The following KHSRP variants were observed in gnomAD, a reference collection of about 807,000 sequenced individuals.
KHSRP encodes the protein KH-type splicing regulatory protein, also known as far upstream element-binding protein 2.
A neutral mutation model predicts 94.9 loss-of-function variants in KHSRP; 13 were observed. The ratio of observed to expected loss-of-function variants is 0.14; its 90% CI spans 0.09 to 0.22. KHSRP has a LOEUF of 0.22. KHSRP is among the 10% of genes least tolerant of loss of function. The pLI, the probability that KHSRP is intolerant of heterozygous loss-of-function variation, is 1.00. For synonymous variants in KHSRP, 495 were observed against 401.4 expected, an observed-to-expected ratio of 1.23 and a Z score of -2.79; for missense variants, 710 against 1,010.0, an observed-to-expected ratio of 0.70 and a Z score of 4.03.
Position 6,418,501 on chromosome 19 carries a change from C to G in KHSRP, c.861G>C (p.Gly287=), listed in dbSNP as rs2092171318. ...TNVDKPLRII[G]DPYKVQQACE... is the part of the protein sequence containing the mutation. ...TGCTCACCTGCACTTTGTAAGGATC[C>G]CCAATGATGCGGAGAGGTTTGTCCA... The change falls in exon 9 of 19, where the codon GGG becomes GGC. Residue 287 remains glycine (G), a synonymous_variant. Transcript: ENST00000600480. The surrounding 1 kb of genome is among the most constrained non-coding windows in gnomAD (Gnocchi z 4.3). 6.2e-7 allele frequency: 1 copy of G among 1,613,612 alleles called. No homozygotes were observed. Among genetic ancestry groups the G allele is most frequent in the South Asian group, 1.1e-5 (1 of 91,062 alleles).
Position 6,420,553 on chromosome 19 carries a change from G to T in KHSRP, c.426-82C>A. The stretch of plus-strand genomic sequence containing the variant: ...CTCTGGAAGGTCTACTTGAAGCCAA[G>T]GCCACCATAGGTCTAAGCAGAGTCT... On this transcript the variant is annotated intron_variant, in intron 4 of 18. Transcript: ENST00000600480. 1.3e-5 allele frequency: 16 copies of T among 1,245,600 alleles called. No homozygotes were observed. The Admixed American group carries it at 2.3e-4, about 18-fold the overall frequency. The allele number at this position is 1,245,600 out of a possible 1,614,324, so 77.2% of individuals were successfully genotyped here. A position where few individuals can be genotyped will look rare whatever the true frequency, so the allele number is the denominator to read the frequency against.
At position 6,418,415 on chromosome 19, in the gene KHSRP, G is replaced by T; in HGVS notation, c.879+68C>A. On this transcript the variant is annotated intron_variant, in intron 9 of 18. Coordinates refer to ENST00000600480, the MANE Select transcript of KHSRP (RefSeq NM_001366299.1). The surrounding 1 kb of genome is among the most constrained non-coding windows in gnomAD (Gnocchi z 4.3). ...CTCTCTGGCGGAATGCAGACCCCGA[G>T]ACCGCTGGCCCTGCCCACCTGCCCG... The T allele has an allele frequency of 8.7e-7, 1 of 1,146,768 alleles. No homozygotes were observed. Among genetic ancestry groups the T allele is most frequent in the Non-Finnish European group, 1.3e-6 (1 of 769,210 alleles). 71.0% of individuals were successfully genotyped at this position (1,146,768 alleles called of 1,614,324 possible). A position where few individuals can be genotyped will look rare whatever the true frequency, so the allele number is the denominator to read the frequency against.
rs1050713901 is a variant in KHSRP at position 6,416,724 on chromosome 19, G to A, written c.1327+14C>T. The A allele has an allele frequency of 1.2e-6, 2 of 1,604,906 alleles. No individual in the cohort carries two copies. The highest frequency in any genetic ancestry group is 1.7e-6 in the Non-Finnish European group (2 of 1,174,278). ...AGAGGGGGCAAGGGATAGGGTGCAG[G>A]GGGCCACACTCACCTCGGCCGATGA... On this transcript the variant is annotated intron_variant, in intron 13 of 18. Transcript: ENST00000600480.
In KHSRP at chr19:6,415,876, T is replaced by G; in HGVS notation, c.1619A>C (p.His540Pro). 1 of 1,539,000 alleles carries G rather than the reference T, an allele frequency of 6.5e-7. No homozygotes were observed. The change falls in exon 16 of 19, where the codon CAC (histidine) becomes CCC (proline). Residue 540 changes from histidine (H) to proline (P), a missense_variant. Coordinates refer to ENST00000600480, the MANE Select transcript of KHSRP (RefSeq NM_001366299.1). The part of the protein sequence containing the change: ...APPHAGGPPP[H>P]QYPPQGWGNT... The stretch of plus-strand genomic sequence containing the variant: ...GCCCCAGCCCTGGGGTGGGTACTGG[T>G]GAGGAGGGGGCCCCCCGGCACTGCA...
In KHSRP at chr19:6,416,893, A is replaced by AGAG. The variant is rs537659776; in HGVS notation, c.1183-14_1183-12dup. 29 of 1,611,898 alleles carry AGAG rather than the reference A, an allele frequency of 1.8e-5. 1 individual carries two copies. The highest frequency in any genetic ancestry group is 1.3e-4 in the South Asian group (12 of 91,004). The stretch of plus-strand genomic sequence containing the variant: ...ACCTGGGGGACCACTCTGCAAGACA[A>AGAG]GAGGAGGAGGAGGATGATGAACCCT... On this transcript the variant is annotated splice_polypyrimidine_tract_variant and intron_variant, in intron 12 of 18. Coordinates refer to ENST00000600480, the MANE Select transcript of KHSRP (RefSeq NM_001366299.1).
chr19:6,414,138 A>C lies in KHSRP; in HGVS notation c.*886T>G. The C allele has an allele frequency of 8.5e-7, 1 of 1,178,172 alleles. No individual in the cohort carries two copies. Among genetic ancestry groups the C allele is most frequent in the African/African-American group, 1.6e-5 (1 of 64,010 alleles). 73.0% of individuals were successfully genotyped at this position (1,178,172 alleles called of 1,614,324 possible). On this transcript the variant is annotated 3_prime_UTR_variant, in exon 19 of 19. Transcript: ENST00000600480. Reference sequence around the variant, plus strand: ...CATTGAGCCTGCGGAGAGGGAAGAGATAGGAATTGGTCACTACGGGGAGGG... The same window carrying C: ...CATTGAGCCTGCGGAGAGGGAAGAGCTAGGAATTGGTCACTACGGGGAGGG...
rs773679047 is a variant in KHSRP, at chr19:6,414,212, G to T, written c.*812C>A. On this transcript the variant is annotated 3_prime_UTR_variant, in exon 19 of 19. Coordinates refer to ENST00000600480, the MANE Select transcript of KHSRP (RefSeq NM_001366299.1). ...AAGAGAGGAGGGGCTGGAACACCGT[G>T]GGGGGGGCCAGGAAGCCCCCTCCCA... 4.1e-5 allele frequency: 62 copies of T among 1,517,050 alleles called. No individual in the cohort carries two copies. Among genetic ancestry groups the T allele is most frequent in the South Asian group, 6.3e-5 (5 of 79,298 alleles). The allele number at this position is 1,517,050 out of a possible 1,614,324, so 94.0% of individuals were successfully genotyped here. A position where few individuals can be genotyped will look rare whatever the true frequency, so the allele number is the denominator to read the frequency against.
At chr19:6,417,873 C>T (rs2092162418) in intron 10 of KHSRP, 32 bp from the exon 11 acceptor site, 1 of 1,607,606 alleles carries the variant, frequency 6.2e-7, no homozygotes. Context: ...TCAGCTCGGC[C>T]CGCAGCTCTG....
chr19:6,424,350 G>GC (rs1400323522), intron 1 of KHSRP, 103 bp downstream of exon 1: 5 of 420,056 alleles, frequency 1.2e-5, no homozygotes, highest in African/African-American at 2.2e-5. Context: ...GACGGCCCCG[G>GC]CCCCCCTCCG....
rs577750058 is a variant in KHSRP at position 6,418,720 on chromosome 19, C to G, written c.762G>C (p.Glu254Asp). The G allele has an allele frequency of 4.3e-6, 7 of 1,613,774 alleles. No individual in the cohort carries two copies. The highest frequency in any genetic ancestry group is 1.3e-5 in the African/African-American group (1 of 75,046). ...KAGLVIGKGG[E>D]TIKQLQERAG... ...CCCTCACCTGCAGCTGCTTAATGGT[C>G]TCCCCGCCCTTGCCAATGACCAGGC... Residue 254 changes from glutamate (E) to aspartate (D), a missense_variant, in exon 8 of 19, where the codon GAG becomes GAC. Transcript: ENST00000600480. The surrounding 1 kb of genome is among the most constrained non-coding windows in gnomAD (Gnocchi z 4.3).
In KHSRP at chr19:6,421,262, C is replaced by A; in HGVS notation, c.425+16G>T. 6.3e-7 allele frequency: 1 copy of A among 1,578,658 alleles called. No individual in the cohort carries two copies. The highest frequency in any genetic ancestry group is 8.6e-7 in the Non-Finnish European group (1 of 1,162,466). On this transcript the variant is annotated intron_variant, in intron 4 of 18. Transcript: ENST00000600480. ...CCAACAGACAAGAAAGCAGTGTGGGCCCCACCATGGCTTACCTTGGGGGAG... is the reference window on the plus strand; with the variant it reads ...CCAACAGACAAGAAAGCAGTGTGGGACCCACCATGGCTTACCTTGGGGGAG...
chr19:6,416,188 G>A, intron 15 of KHSRP, 110 bp downstream of exon 15: 1 of 871,852 alleles, frequency 1.1e-6, no homozygotes, highest in Non-Finnish European at 1.8e-6. Flanking sequence ...AAATGGGCTG[G>A]ATGAGGCCCC....
At position 6,418,694 on chromosome 19, in the gene KHSRP, G is replaced by A. The variant is rs1173960633; in HGVS notation, c.780+8C>T. 5.0e-6 allele frequency: 8 copies of A among 1,613,756 alleles called. No individual in the cohort carries two copies. The highest frequency in any genetic ancestry group is 3.3e-5 in the South Asian group (3 of 91,088). ...ATGCAGAGGAAGCTGCCCAGGTGCT[G>A]CCCTCACCTGCAGCTGCTTAATGGT... On this transcript the variant is annotated splice_region_variant and intron_variant, in intron 8 of 18. Transcript: ENST00000600480. This position sits in a 1 kb window ranked among gnomAD's most constrained non-coding sequence, Gnocchi z 4.3.
chr19:6,422,747 G>C (rs2145125104), intron 1 of KHSRP, among the ~76,000 whole-genome samples: 1 of 152,202 alleles, frequency 6.6e-6, no homozygotes, highest in Middle Eastern at 3.4e-3. Flanking sequence ...AGAGGCTCAG[G>C]TGTCAGGGAG....
At position 6,414,852 on chromosome 19, in the gene KHSRP, G is replaced by T. The variant is rs966004530; in HGVS notation, c.*172C>A. 3 of 1,288,982 alleles carry T rather than the reference G, an allele frequency of 2.3e-6. No homozygotes were observed. In the African/African-American group the frequency reaches 4.6e-5, roughly 20 times the overall value. The allele number at this position is 1,288,982 out of a possible 1,614,324, so 79.8% of individuals were successfully genotyped here. A position where few individuals can be genotyped will look rare whatever the true frequency, so the allele number is the denominator to read the frequency against. On this transcript the variant is annotated 3_prime_UTR_variant, in exon 19 of 19. Transcript: ENST00000600480. ...TGCCCCCCGACTCCCCAGCAGTTCAGAAGTCCCGCCTGCGAGTCTCAGCGC... is the reference window on the plus strand; with the variant it reads ...TGCCCCCCGACTCCCCAGCAGTTCATAAGTCCCGCCTGCGAGTCTCAGCGC...
intron 6 of KHSRP, 32 bp from the exon 7 acceptor site, chr19:6,419,292 C>T: frequency 6.5e-7 from 1 of 1,539,820 alleles, no homozygotes; most frequent in Non-Finnish European, 8.7e-7. Context: ...AGTGCCCTCC[C>T]TGGCCCACAG....
At chr19:6,416,432 G>C (rs762834774) in intron 14 of KHSRP, 25 bp from the exon 15 acceptor site, 1 of 1,613,194 alleles carries the variant, frequency 6.2e-7, no homozygotes, top group South Asian at 1.1e-5. Flanking sequence ...AGTAACCAAG[G>C]TAAGTGGGCT....
At chr19:6,420,356 G>A (rs189765032) in intron 5 of KHSRP, 66 bp downstream of exon 5, 2 of 1,508,332 alleles carry the variant, frequency 1.3e-6, no homozygotes, top group Non-Finnish European at 1.8e-6. Context: ...TGGGCTGGCA[G>A]GAGCTCACAG....
At position 6,415,894 on chromosome 19, in the gene KHSRP, G is replaced by C. The variant is rs2092141868; in HGVS notation, c.1601C>G (p.Ala534Gly). The C allele has an allele frequency of 3.3e-6, 5 of 1,513,744 alleles. No homozygotes were observed. The East Asian group carries it at 1.2e-4, about 35-fold the overall frequency. The allele number at this position is 1,513,744 out of a possible 1,614,324, so 93.8% of individuals were successfully genotyped here. The change falls in exon 16 of 19, where the codon GCC becomes GGC. Residue 534 changes from alanine to glycine, a missense_variant and splice_region_variant. Transcript: ENST00000600480. ...GTACTGGTGAGGAGGGGGCCCCCCGGCACTGCAGGAGAGAAGAAAGGGATG... is the reference window on the plus strand; with the variant it reads ...GTACTGGTGAGGAGGGGGCCCCCCGCCACTGCAGGAGAGAAGAAAGGGATG... ...NQGPPGAPPH[A>G]GGPPPHQYPP...
Sources: allele counts gnomAD v4.1 joint callset (sites outside exome capture counted in the v4.1 genomes callset), GRCh38; gene constraint gnomAD v4.1.1; non-coding constraint Gnocchi (gnomAD v3.1); transcripts MANE v1.5; gene names NCBI Gene and HGNC (gene_info 2026-07-23, HGNC 2026-07-21).